Variants in PRKG1 observed in about 807,000 individuals in gnomAD.
The protein encoded by PRKG1 is cGMP-dependent protein kinase 1.
PRKG1 carries 35 observed loss-of-function variants against 88.1 expected under a neutral mutation model. The observed-to-expected ratio is 0.40, with a 90% CI of 0.30 to 0.53. The LOEUF (loss-of-function observed/expected upper bound fraction) is 0.53. Ranked by LOEUF, PRKG1 falls within the 20% of genes least tolerant of loss-of-function variation. The probability of loss-of-function intolerance (pLI) is 0.59; values close to 1 mark genes in which losing one functional copy is unlikely to be tolerated. For missense variants in PRKG1, 540 were observed against 839.8 expected (o/e 0.64, Z 4.41); for synonymous variants, 303 against 292.5 (o/e 1.04, Z -0.37).
intron 2 of PRKG1, among the ~76,000 whole-genome samples, chr10:51,367,925 C>CT (rs1842623345): frequency 1.3e-5 from 2 of 151,950 alleles, no homozygotes; most frequent in Admixed American, 6.6e-5. Flanking sequence ...CTTGACCCCT[C>CT]TGCCCAGCCA....
chr10:52,181,037 T>C (rs1187341510), intron 9 of PRKG1, among the ~76,000 whole-genome samples: 2 of 152,186 alleles, frequency 1.3e-5, no homozygotes, highest in African/African-American at 4.8e-5. Flanking sequence ...GGTGTGTGTC[T>C]ATCAGGGGCA....
chr10:51,474,366 C>T (rs1480477307), intron 3 of PRKG1, among the ~76,000 whole-genome samples: 2 of 151,968 alleles, frequency 1.3e-5, no homozygotes, highest in African/African-American at 4.8e-5. Context: ...TCCGCTTTCA[C>T]AAAAACTTAT....
chr10:52,179,604 C>T (rs1838960888), intron 9 of PRKG1, among the ~76,000 whole-genome samples: 2 of 152,162 alleles, frequency 1.3e-5, no homozygotes, highest in Admixed American at 1.3e-4. Flanking sequence ...TGGGGATCTT[C>T]AAGCTTCCTA....
chr10:51,892,044 C>G (rs1240514702), intron 4 of PRKG1, among the ~76,000 whole-genome samples: 9 of 152,198 alleles, frequency 5.9e-5, no homozygotes, highest in Admixed American at 5.9e-4. Context: ...ATGCTAACTT[C>G]TATTTCATGT....
intron 2 of PRKG1, among the ~76,000 whole-genome samples, chr10:51,459,859 A>G (rs1043324442): frequency 1.6e-4 from 25 of 152,262 alleles, no homozygotes; most frequent in Admixed American, 1.4e-3. Context: ...GCTTTATTCA[A>G]TCTGCTGGCA....
intron 4 of PRKG1, among the ~76,000 whole-genome samples, chr10:51,869,201 A>G (rs1173403145): frequency 1.3e-5 from 2 of 152,130 alleles, no homozygotes; most frequent in South Asian, 2.1e-4. Flanking sequence ...GAAAATTGAT[A>G]CCAACCGTAC....
chr10:51,492,947 A>G lies in PRKG1; in HGVS notation c.592+25111A>G, dbSNP rs1004647485. On this transcript the variant is annotated intron_variant, in intron 3 of 17. Coordinates refer to ENST00000373980, the MANE Select transcript of PRKG1 (RefSeq NM_006258.4). ...TCTCAAAATGTGGGAAATGTGTTAA[A>G]ACTGATGGTATATAAATTTCCTTGA... 7.2e-5 allele frequency among the ~76,000 whole-genome samples: 11 copies of G among 152,250 alleles called. No homozygotes were observed. In the East Asian group the frequency reaches 2.1e-3, roughly 29 times the overall value.
At chr10:52,273,858 C>T (rs972344704) in intron 12 of PRKG1, among the ~76,000 whole-genome samples, 2 of 151,922 alleles carry the variant, frequency 1.3e-5, no homozygotes, top group Admixed American at 6.6e-5. Context: ...GCTGGGGATC[C>T]AGTAATAAAC....
At chr10:51,238,151 T>G (rs1228306554) in intron 2 of PRKG1, among the ~76,000 whole-genome samples, 1 of 152,198 alleles carries the variant, frequency 6.6e-6, no homozygotes, top group East Asian at 1.9e-4. Flanking sequence ...AGAAGCATGA[T>G]TCTTTTTCAC....
intron 7 of PRKG1, among the ~76,000 whole-genome samples, chr10:52,064,909 C>T (rs1846321462): frequency 2.0e-5 from 3 of 152,150 alleles, no homozygotes; most frequent in Non-Finnish European, 4.4e-5. Context: ...CCAGGGTTCA[C>T]TTGTAGGTCA....
intron 3 of PRKG1, chr10:51,697,729 T>C (rs1841336832): frequency 6.2e-7 from 1 of 1,614,146 alleles, no homozygotes; most frequent in Non-Finnish European, 8.5e-7. Flanking sequence ...TCTGGATTTG[T>C]TCCTTTAAAA....
Position 51,712,939 on chromosome 10 carries a change from A to G in PRKG1, c.593-91646A>G, listed in dbSNP as rs1002306150. Among the ~76,000 whole-genome samples, 8 of 151,570 alleles carry G rather than the reference A, an allele frequency of 5.3e-5. No individual in the cohort carries two copies. In the East Asian group the frequency reaches 1.4e-3, roughly 26 times the overall value. On this transcript the variant is annotated intron_variant, in intron 3 of 17. Transcript: ENST00000373980. ...ATCCCATGCTAAGTGTTTTACACAT[A>G]ACTGCTCATTCTACCTACACAATAA...
intron 1 of PRKG1, among the ~76,000 whole-genome samples, chr10:51,084,468 A>G (rs1161305107): frequency 6.6e-6 from 1 of 152,244 alleles, no homozygotes; most frequent in African/African-American, 2.4e-5. Context: ...TGCATCAAAA[A>G]TAAAATAATG....
rs1299840054 is a variant in PRKG1 at position 51,126,365 on chromosome 10, T to C, written c.312-26799T>C. 3.1e-4 allele frequency among the ~76,000 whole-genome samples: 42 copies of C among 135,294 alleles called. 1 individual carries two copies. The East Asian group carries it at 8.4e-3, about 27-fold the overall frequency. The allele number at this position is 135,294 out of a possible 152,430, so 88.8% of individuals were successfully genotyped here. A position where few individuals can be genotyped will look rare whatever the true frequency, so the allele number is the denominator to read the frequency against. On this transcript the variant is annotated intron_variant, in intron 1 of 17. Coordinates refer to ENST00000373980, the MANE Select transcript of PRKG1 (RefSeq NM_006258.4). ...TTTTATACTTTATATTTTATTATTTTATATTTTATAGTATTTATATATTTA... is the reference window on the plus strand; with the variant it reads ...TTTTATACTTTATATTTTATTATTTCATATTTTATAGTATTTATATATTTA...
intron 4 of PRKG1, among the ~76,000 whole-genome samples, chr10:51,813,331 C>T (rs1298081714): frequency 6.6e-6 from 1 of 152,152 alleles, no homozygotes; most frequent in East Asian, 1.9e-4. Flanking sequence ...GCCAAAACTT[C>T]AGTTACATTT....
At chr10:52,175,312 A>G (rs1373125248) in intron 9 of PRKG1, among the ~76,000 whole-genome samples, 1 of 152,124 alleles carries the variant, frequency 6.6e-6, no homozygotes, top group Non-Finnish European at 1.5e-5. Context: ...CACAAACAAC[A>G]GAATTCCATT....
chr10:51,330,104 CTTTTATTTATTTATTTA>C lies in PRKG1; in HGVS notation c.479-137615_479-137599del, dbSNP rs1317232278. On this transcript the variant is annotated intron_variant, in intron 2 of 17. Coordinates refer to ENST00000373980, the MANE Select transcript of PRKG1 (RefSeq NM_006258.4). ...AACTCCCATGACTTGTACATTTGCT[CTTTTATTTATTTATTTA>C]TTTATTTATTTATTTATTTATTTAT... 2.7e-3 allele frequency among the ~76,000 whole-genome samples: 316 copies of C among 119,002 alleles called. 2 individuals carry two copies. The highest frequency in any genetic ancestry group is 9.9e-3 in the African/African-American group (305 of 30,810). The allele number at this position is 119,002 out of a possible 152,430, so 78.1% of individuals were successfully genotyped here. A position where few individuals can be genotyped will look rare whatever the true frequency, so the allele number is the denominator to read the frequency against.
chr10:51,670,512 A>G lies in PRKG1; in HGVS notation c.593-134073A>G, dbSNP rs992107832. 2.2e-4 allele frequency among the ~76,000 whole-genome samples: 33 copies of G among 150,772 alleles called. No homozygotes were observed. In the Middle Eastern group the frequency reaches 0.01, roughly 47 times the overall value. ...AGCACTTTGGGAGGCCGAGGCGGGC[A>G]GATCACGAGGTCAGGAGATCGAGAC... On this transcript the variant is annotated intron_variant, in intron 3 of 17. Transcript: ENST00000373980.
intron 1 of PRKG1, among the ~76,000 whole-genome samples, chr10:51,038,126 C>A (rs929970302): frequency 1.3e-5 from 2 of 148,908 alleles, no homozygotes; most frequent in African/African-American, 4.9e-5. Flanking sequence ...CAGGCCTTAA[C>A]AAAAATGTGT....
Sources: allele counts gnomAD v4.1 joint callset (sites outside exome capture counted in the v4.1 genomes callset), GRCh38; gene constraint gnomAD v4.1.1; transcripts MANE v1.5; gene names NCBI Gene and HGNC (gene_info 2026-07-23, HGNC 2026-07-21).